HECW2: variants seen among roughly 807,000 people sequenced by gnomAD.
HECW2 encodes HECT, C2 and WW domain containing E3 ubiquitin protein ligase 2, also known as E3 ubiquitin-protein ligase HECW2.
A neutral mutation model predicts 175.2 loss-of-function variants in HECW2; 61 were observed. The ratio of observed to expected loss-of-function variants is 0.35; its 90% confidence interval spans 0.28 to 0.43. The LOEUF (loss-of-function observed/expected upper bound fraction) is 0.43. HECW2 is among the 20% of genes least tolerant of loss of function. The probability of loss-of-function intolerance (pLI) is 1.00; values close to 1 mark genes in which losing one functional copy is unlikely to be tolerated. For missense variants in HECW2, 1,524 were observed against 2,000.5 expected (o/e 0.76, Z 4.54); for synonymous variants, 671 against 731.0 (o/e 0.92, Z 1.32).
In HECW2 at chr2:196,242,186, G is replaced by A. The variant is rs773455614; in HGVS notation, c.3548C>T (p.Ala1183Val). Residue 1183 changes from alanine to valine, a missense_variant, in exon 20 of 29, where the codon GCC (alanine) becomes GTC (valine). By Grantham distance (64) the Ala-to-Val change is moderately conservative. Around this residue, in one of 11 missense-constraint regions of HECW2, gnomAD observed 291 missense variants for 412.2 expected, o/e 0.71. Coordinates refer to ENST00000644978, the MANE Select transcript of HECW2 (RefSeq NM_001348768.2). ...QNSPGTQRAN[A>V]RAPAPYKRDF... ...CCGCTTGTAAGGGGCTGGAGCCCGG[G>A]CATTGGCACGCTGGGTACCTGCAGC... 3.1e-6 allele frequency: 5 copies of A among 1,614,164 alleles called. No homozygotes were observed. The highest frequency in any genetic ancestry group is 3.3e-5 in the Admixed American group (2 of 60,032).
intron 1 of HECW2, among the ~76,000 whole-genome samples, chr2:196,525,781 T>G (rs1343659172): frequency 1.4e-5 from 2 of 139,012 alleles, no homozygotes; most frequent in African/African-American, 2.7e-5. Context: ...AAAATTCTTT[T>G]CTTTAAGAAT....
intron 1 of HECW2, among the ~76,000 whole-genome samples, chr2:196,546,712 T>A (rs1689434486): frequency 6.6e-6 from 1 of 151,636 alleles, no homozygotes; most frequent in Non-Finnish European, 1.5e-5. Context: ...CTCAACCGCA[T>A]AGGTGATAAA....
chr2:196,204,568 GC>G (rs1457635262), intron 28 of HECW2, among the ~76,000 whole-genome samples: 3 of 152,180 alleles, frequency 2.0e-5, no homozygotes, highest in African/African-American at 7.2e-5. Flanking sequence ...TGAGAATGCA[GC>G]CCCACCCACA....
intron 1 of HECW2, among the ~76,000 whole-genome samples, chr2:196,457,121 T>A (rs993741866): frequency 2.6e-5 from 4 of 152,194 alleles, no homozygotes; most frequent in Non-Finnish European, 4.4e-5. Context: ...AATCAAGATA[T>A]GAAATTCTAT....
Position 196,515,989 on chromosome 2 carries a change from T to C in HECW2, c.-36+77519A>G, listed in dbSNP as rs975467388. On this transcript the variant is annotated intron_variant, in intron 1 of 28. Transcript: ENST00000644978. ...AAAAAAAAGTACAAAAAAAAAAAAATAGTTGGACATGGTGGCTCATGTCTG... is the reference window on the plus strand; with the variant it reads ...AAAAAAAAGTACAAAAAAAAAAAAACAGTTGGACATGGTGGCTCATGTCTG... 5.3e-5 allele frequency among the ~76,000 whole-genome samples: 7 copies of C among 133,070 alleles called. No individual in the cohort carries two copies. In the East Asian group the frequency reaches 6.2e-4, roughly 12 times the overall value. 87.3% of individuals were successfully genotyped at this position (133,070 alleles called of 152,430 possible).
intron 2 of HECW2, among the ~76,000 whole-genome samples, chr2:196,393,346 C>T (rs900765283): frequency 6.6e-6 from 1 of 152,054 alleles, no homozygotes; most frequent in Non-Finnish European, 1.5e-5. Flanking sequence ...AAAGAAACTA[C>T]CATCAGAGTG....
chr2:196,407,632 G>A (rs546128211), intron 2 of HECW2, among the ~76,000 whole-genome samples: 1 of 152,324 alleles, frequency 6.6e-6, no homozygotes, highest in South Asian at 2.1e-4. Flanking sequence ...TCAGGCAGTG[G>A]CAGTGCTGGG....
chr2:196,263,567 T>A (rs1689393271), intron 17 of HECW2: 1 of 152,238 alleles, frequency 6.6e-6, no homozygotes, highest in African/African-American at 2.4e-5. Context: ...ACTTGCCTAA[T>A]GGTATAATGT....
chr2:196,362,292 G>C, intron 2 of HECW2: 1 of 517,214 alleles, frequency 1.9e-6, no homozygotes, highest in Non-Finnish European at 2.5e-6. Context: ...TTTTCCATGG[G>C]AGAATTCCAA....
intron 17 of HECW2, chr2:196,260,627 G>A (rs892525235): frequency 6.6e-6 from 1 of 152,208 alleles, no homozygotes; most frequent in African/African-American, 2.4e-5. Context: ...GGTCTAAACA[G>A]TTCTTTATAA....
chr2:196,251,527 G>T lies in HECW2; in HGVS notation c.3529+2393C>A, dbSNP rs1688853750. On this transcript the variant is annotated intron_variant, in intron 19 of 28. Coordinates refer to ENST00000644978, the MANE Select transcript of HECW2 (RefSeq NM_001348768.2). ...GCCCAAAGATTTCTCAATAAAACTTGTCCAACACCAAACTCACTCAATCTT... is the reference window on the plus strand; with the variant it reads ...GCCCAAAGATTTCTCAATAAAACTTTTCCAACACCAAACTCACTCAATCTT... Among the ~76,000 whole-genome samples the T allele has an allele frequency of 2.0e-5, 3 of 152,218 alleles. No individual in the cohort carries two copies. In the South Asian group the frequency reaches 6.2e-4, roughly 32 times the overall value.
chr2:196,419,027 G>A (rs950295441), intron 2 of HECW2, among the ~76,000 whole-genome samples: 2 of 152,234 alleles, frequency 1.3e-5, no homozygotes, highest in Admixed American at 1.3e-4. Context: ...ACCAACTCTC[G>A]AATGAATTAA....
intron 1 of HECW2, among the ~76,000 whole-genome samples, chr2:196,461,848 G>A (rs1228643996): frequency 2.6e-5 from 4 of 152,050 alleles, no homozygotes; most frequent in East Asian, 1.9e-4. Context: ...CCTGACACAC[G>A]GGGATTATGG....
At chr2:196,349,651 A>G (rs187372249) in intron 2 of HECW2, among the ~76,000 whole-genome samples, 71 of 152,244 alleles carry the variant, frequency 4.7e-4, no homozygotes, top group African/African-American at 1.3e-3. Context: ...ATTATTTTAA[A>G]TTACAACTTA....
chr2:196,467,323 T>A (rs908398581), intron 1 of HECW2, among the ~76,000 whole-genome samples: 1 of 152,170 alleles, frequency 6.6e-6, no homozygotes. Flanking sequence ...TTAGTATTAT[T>A]AGCCTCTACA....
chr2:196,221,541 T>A (rs1455380315), intron 24 of HECW2, among the ~76,000 whole-genome samples: 4 of 152,088 alleles, frequency 2.6e-5, no homozygotes, highest in Non-Finnish European at 4.4e-5. Context: ...TTCAAAAAAA[T>A]CAATTTTGGT....
chr2:196,267,645 T>C (rs1689566164), intron 17 of HECW2, among the ~76,000 whole-genome samples: 1 of 152,132 alleles, frequency 6.6e-6, no homozygotes, highest in African/African-American at 2.4e-5. Context: ...CATATCACAA[T>C]GCATGGAAAA....
intron 1 of HECW2, among the ~76,000 whole-genome samples, chr2:196,475,476 T>A (rs1686556276): frequency 6.6e-6 from 1 of 150,912 alleles, no homozygotes; most frequent in Non-Finnish European, 1.5e-5. Flanking sequence ...AATTGAGGAG[T>A]GGGTCTCCTA....
chr2:196,286,217 C>T (rs1294232632), intron 14 of HECW2, among the ~76,000 whole-genome samples: 3 of 152,006 alleles, frequency 2.0e-5, no homozygotes, highest in Admixed American at 6.6e-5. Context: ...ACAAATCAGC[C>T]CTCCTCTCCA....
Sources: allele counts gnomAD v4.1 joint callset (sites outside exome capture counted in the v4.1 genomes callset), GRCh38; gene constraint gnomAD v4.1.1; regional missense constraint gnomAD v4.1.1; transcripts MANE v1.5; gene names NCBI Gene and HGNC (gene_info 2026-07-23, HGNC 2026-07-21).